The following VWA8 variants were observed in gnomAD, a reference collection of about 807,000 sequenced individuals.
VWA8 encodes the protein von Willebrand factor A domain-containing protein 8.
VWA8 carries 221 observed loss-of-function variants against 241.5 expected under a neutral mutation model. The observed-to-expected ratio is 0.91, with a 90% CI of 0.82 to 1.02. The LOEUF (loss-of-function observed/expected upper bound fraction) is 1.02, where lower values mean the gene tolerates loss of function less well. Among genes scored for constraint, VWA8 ranks in the 50% least tolerant of loss-of-function variants. VWA8 has a pLI of 0.00. For synonymous variants in VWA8, 852 were observed against 827.1 expected (o/e 1.03, Z -0.52); for missense variants, 2,322 against 2,328.7 (o/e 1.00, Z 0.06).
chr13:41,693,597 TA>T (rs1185624890), intron 29 of VWA8, among the ~76,000 whole-genome samples: 1 of 152,124 alleles, frequency 6.6e-6, no homozygotes, highest in Non-Finnish European at 1.5e-5. Flanking sequence ...GGTGCTGTAA[TA>T]AAGTACAAAC....
chr13:41,578,886 AC>A (rs1255333877), intron 42 of VWA8, among the ~76,000 whole-genome samples: 1 of 152,184 alleles, frequency 6.6e-6, no homozygotes, highest in Non-Finnish European at 1.5e-5. Context: ...CAATTTAAAT[AC>A]TTTTTTGCTT....
chr13:41,765,771 T>A (rs1310326849), intron 20 of VWA8, among the ~76,000 whole-genome samples: 4 of 152,188 alleles, frequency 2.6e-5, no homozygotes. Context: ...TATATGTAAT[T>A]TGTATCCTTT....
intron 26 of VWA8, among the ~76,000 whole-genome samples, chr13:41,710,881 C>T (rs1390974741): frequency 1.3e-5 from 2 of 152,288 alleles, no homozygotes; most frequent in East Asian, 3.9e-4. Context: ...GCCTCTGATA[C>T]TTTGAAGACT....
intron 12 of VWA8, among the ~76,000 whole-genome samples, chr13:41,846,987 C>T (rs1309193632): frequency 6.6e-6 from 1 of 152,184 alleles, no homozygotes; most frequent in African/African-American, 2.4e-5. Flanking sequence ...GATCATGCCA[C>T]TGCACTCCAG....
chr13:41,930,800 T>C (rs1056377201), intron 2 of VWA8, among the ~76,000 whole-genome samples: 67 of 152,110 alleles, frequency 4.4e-4, no homozygotes, highest in African/African-American at 1.6e-3. Context: ...AAATCTGAAA[T>C]GCAAAATAAC....
chr13:41,788,714 A>C (rs1228551691), intron 17 of VWA8, among the ~76,000 whole-genome samples: 1 of 152,096 alleles, frequency 6.6e-6, no homozygotes, highest in East Asian at 1.9e-4. Context: ...ACCCTGCTTA[A>C]CCTTCCTCTT....
At chr13:41,656,426 A>G (rs2044905911) in intron 37 of VWA8, among the ~76,000 whole-genome samples, 1 of 152,162 alleles carries the variant, frequency 6.6e-6, no homozygotes, top group South Asian at 2.1e-4. Context: ...ATCCAATATG[A>G]GTGAGCTCTT....
intron 21 of VWA8, among the ~76,000 whole-genome samples, chr13:41,758,435 A>AGC (rs1220023739): frequency 8.7e-4 from 94 of 108,536 alleles, no homozygotes; most frequent in Admixed American, 1.5e-3. Flanking sequence ...TATATACGCT[A>AGC]GTATATATAT....
intron 37 of VWA8, among the ~76,000 whole-genome samples, chr13:41,659,291 A>G (rs937824010): frequency 6.6e-6 from 1 of 152,204 alleles, no homozygotes; most frequent in Non-Finnish European, 1.5e-5. Context: ...AAAGAAAGTT[A>G]TTTAACCTCC....
intron 40 of VWA8, among the ~76,000 whole-genome samples, chr13:41,591,273 T>C (rs1007233183): frequency 3.0e-4 from 45 of 152,228 alleles, no homozygotes; most frequent in African/African-American, 1.1e-3. Flanking sequence ...CAAGTCTTTC[T>C]GGTTATCTAT....
intron 16 of VWA8, among the ~76,000 whole-genome samples, chr13:41,811,542 A>G (rs1870473706): frequency 6.6e-6 from 1 of 152,196 alleles, no homozygotes; most frequent in Admixed American, 6.5e-5. Flanking sequence ...TAAAAAATCT[A>G]AAGTATTTAT....
chr13:41,722,797 C>CT (rs1447641134), intron 24 of VWA8, among the ~76,000 whole-genome samples: 2 of 152,042 alleles, frequency 1.3e-5, no homozygotes, highest in Non-Finnish European at 2.9e-5. Context: ...ATCCAAAGAA[C>CT]TTAAGGCAGG....
intron 20 of VWA8, among the ~76,000 whole-genome samples, chr13:41,770,413 C>G (rs2137918842): frequency 6.8e-6 from 1 of 147,012 alleles, no homozygotes; most frequent in Non-Finnish European, 1.5e-5. Context: ...TGCACTACAG[C>G]CTGGGCGACA....
At chr13:41,652,478 A>C (rs1014331370) in intron 37 of VWA8, among the ~76,000 whole-genome samples, 1 of 152,232 alleles carries the variant, frequency 6.6e-6, no homozygotes, top group Non-Finnish European at 1.5e-5. Flanking sequence ...CAGCTAGCAC[A>C]TACTCAGCAG....
intron 42 of VWA8, among the ~76,000 whole-genome samples, chr13:41,579,667 T>C (rs925412162): frequency 6.6e-6 from 1 of 152,222 alleles, no homozygotes; most frequent in Non-Finnish European, 1.5e-5. Context: ...CTTTATAGTT[T>C]GTTACAGTTT....
At chr13:41,789,978 G>A (rs1328519969) in intron 17 of VWA8, among the ~76,000 whole-genome samples, 4 of 152,012 alleles carry the variant, frequency 2.6e-5, no homozygotes, top group Admixed American at 2.0e-4. Context: ...GTATGTAAAA[G>A]GAAACAATAT....
chr13:41,597,367 C>G (rs1239412663), intron 40 of VWA8, among the ~76,000 whole-genome samples: 1 of 152,000 alleles, frequency 6.6e-6, no homozygotes, highest in Non-Finnish European at 1.5e-5. Flanking sequence ...TTTTGTGGTT[C>G]TCAACATATT....
At chr13:41,647,681 A>G (rs971050873) in intron 37 of VWA8, among the ~76,000 whole-genome samples, 5 of 152,134 alleles carry the variant, frequency 3.3e-5, no homozygotes, top group Non-Finnish European at 7.4e-5. Context: ...ACTGATAAAT[A>G]TACATCGCTA....
intron 20 of VWA8, among the ~76,000 whole-genome samples, chr13:41,773,193 G>A (rs1246660194): frequency 6.6e-6 from 1 of 152,164 alleles, no homozygotes; most frequent in East Asian, 1.9e-4. Context: ...CTTTGCATTT[G>A]ACTGAAAACA....
Sources: gnomAD v4.1 joint callset for allele counts (sites outside exome capture counted in the v4.1 genomes callset) on GRCh38, gnomAD v4.1.1 for gene constraint, MANE v1.5 for transcripts, NCBI Gene and HGNC (gene_info 2026-07-23, HGNC 2026-07-21) for gene names.